UTRN: variants seen among roughly 807,000 people sequenced by gnomAD.
UTRN encodes the protein utrophin, also known as dystrophin-related protein 1.
In UTRN, 283 loss-of-function variants were observed where a neutral mutation model predicts 463.9. The observed-to-expected ratio is 0.61, with a 90% CI of 0.55 to 0.67. The LOEUF (loss-of-function observed/expected upper bound fraction) is 0.67, where lower values mean the gene tolerates loss of function less well. UTRN is among the 30% of genes least tolerant of loss of function. The pLI is 0.00. For missense variants in UTRN, 3,922 were observed against 4,084.3 expected, an observed-to-expected ratio of 0.96 and a Z score of 1.08; for synonymous variants, 1,442 against 1,431.5, an observed-to-expected ratio of 1.01 and a Z score of -0.17.
At chr6:144,636,121 C>A (rs1050109953) in intron 51 of UTRN, among the ~76,000 whole-genome samples, 1 of 152,012 alleles carries the variant, frequency 6.6e-6, no homozygotes, top group African/African-American at 2.4e-5. Context: ...TCTATTCCAT[C>A]GAAGTGTAAG....
At chr6:144,746,954 T>A (rs1790813558) in intron 54 of UTRN, among the ~76,000 whole-genome samples, 1 of 152,224 alleles carries the variant, frequency 6.6e-6, no homozygotes, top group African/African-American at 2.4e-5. Context: ...TATCAATGTC[T>A]AGAATTTTTT....
intron 53 of UTRN, among the ~76,000 whole-genome samples, chr6:144,725,237 A>G (rs991789462): frequency 6.6e-6 from 1 of 152,222 alleles, no homozygotes; most frequent in African/African-American, 2.4e-5. Context: ...GCCTCCCGCC[A>G]TGTAAGACGT....
intron 41 of UTRN, among the ~76,000 whole-genome samples, chr6:144,529,856 C>T (rs1272753908): frequency 2.6e-5 from 4 of 152,036 alleles, no homozygotes; most frequent in Non-Finnish European, 5.9e-5. Context: ...AGCTCCATTA[C>T]TCTTAAACAA....
intron 58 of UTRN, 65 bp from the exon 59 acceptor site, chr6:144,771,841 GT>G: frequency 6.8e-6 from 9 of 1,325,058 alleles, no homozygotes; most frequent in African/African-American, 1.5e-5. Context: ...TGGGTATTTC[GT>G]TTTTGGCCTA....
intron 51 of UTRN, among the ~76,000 whole-genome samples, chr6:144,590,542 A>AT (rs1194571737): frequency 6.6e-6 from 1 of 152,190 alleles, no homozygotes; most frequent in Non-Finnish European, 1.5e-5. Flanking sequence ...ATATGTATAT[A>AT]TTTTTAAAAA....
At chr6:144,489,024 A>ATCGTTTATTTTATTTTATTT (rs1326441068) in intron 30 of UTRN, among the ~76,000 whole-genome samples, 190 bp downstream of exon 30, 10 of 121,666 alleles carry the variant, frequency 8.2e-5, no homozygotes, top group African/African-American at 3.9e-4. Context: ...AAAGTCTTAT[A>ATCGTTTATTTTATTTTATTT]TAGTTTATTT....
chr6:144,843,464 A>C (rs1307346114), intron 73 of UTRN, among the ~76,000 whole-genome samples: 1 of 152,240 alleles, frequency 6.6e-6, no homozygotes, highest in Non-Finnish European at 1.5e-5. Flanking sequence ...AAAAATAAAT[A>C]ATCATAATTT....
At chr6:144,720,887 C>G (rs1269661606) in intron 53 of UTRN, among the ~76,000 whole-genome samples, 1 of 152,154 alleles carries the variant, frequency 6.6e-6, no homozygotes, top group Non-Finnish European at 1.5e-5. Context: ...ATTGTTCTCT[C>G]TTCCCCTTTA....
intron 34 of UTRN, among the ~76,000 whole-genome samples, chr6:144,501,392 G>C (rs892967207): frequency 8.6e-5 from 13 of 152,038 alleles, no homozygotes; most frequent in African/African-American, 2.9e-4. Context: ...AATTTGCCTA[G>C]TGTAATACAA....
chr6:144,495,440 G>T (rs1333214019), intron 33 of UTRN, among the ~76,000 whole-genome samples: 2 of 152,244 alleles, frequency 1.3e-5, no homozygotes, highest in African/African-American at 2.4e-5. Context: ...CTGCTGCTCC[G>T]AGTGCGGGGC....
intron 50 of UTRN, among the ~76,000 whole-genome samples, chr6:144,564,380 G>T (rs9399480): frequency 6.6e-6 from 1 of 152,096 alleles, no homozygotes; most frequent in South Asian, 2.1e-4. Flanking sequence ...AGGCAGGAAA[G>T]AGCACAGCAT....
In UTRN at chr6:144,499,451, A is replaced by G. The variant is rs777153332; in HGVS notation, c.4764+24A>G. On this transcript the variant is annotated intron_variant, in intron 34 of 74. Transcript: ENST00000367545. Reference sequence around the variant, plus strand: ...AAGTAAGTTGCAGTTCAGATGAAACACCAGCATGATGCCAGCGTAACATGG... The same window carrying G: ...AAGTAAGTTGCAGTTCAGATGAAACGCCAGCATGATGCCAGCGTAACATGG... 4.4e-6 allele frequency: 7 copies of G among 1,575,496 alleles called. No homozygotes were observed. In the African/African-American group the frequency reaches 6.7e-5, roughly 15 times the overall value.
At position 144,429,899 on chromosome 6, in the gene UTRN, T is replaced by C. The variant is rs184937966; in HGVS notation, c.855+158T>C. 2.0e-5 allele frequency among the ~76,000 whole-genome samples: 3 copies of C among 152,322 alleles called. No individual in the cohort carries two copies. In the East Asian group the frequency reaches 5.8e-4, roughly 29 times the overall value. ...AAGTTCAGCTTAGCAGTTAGCATTC[T>C]GTCACATGTGTGTAATAGAACACCA... On this transcript the variant is annotated intron_variant, in intron 9 of 74. Transcript: ENST00000367545.
chr6:144,685,191 G>C (rs1782623029), intron 52 of UTRN, among the ~76,000 whole-genome samples: 1 of 152,056 alleles, frequency 6.6e-6, no homozygotes, highest in Non-Finnish European at 1.5e-5. Context: ...CATTCAAGTT[G>C]CTGAAAAAGA....
intron 51 of UTRN, among the ~76,000 whole-genome samples, chr6:144,634,982 A>G (rs1391196188): frequency 6.6e-6 from 1 of 152,068 alleles, no homozygotes; most frequent in Non-Finnish European, 1.5e-5. Context: ...ATGAACATTT[A>G]TGTGCAAGTT....
At position 144,458,629 on chromosome 6, in the gene UTRN, T is replaced by A. The variant is rs868575310; in HGVS notation, c.2285-141T>A. The A allele has an allele frequency of 1.6e-5, 14 of 868,690 alleles. 1 individual carries two copies. The South Asian group carries it at 1.7e-4, about 11-fold the overall frequency. 53.8% of individuals were successfully genotyped at this position (868,690 alleles called of 1,614,324 possible). ...TTAAGTGCATCATTATAAATTTTTG[T>A]TGTTGTATTAAAAGGGACTTAAGAA... On this transcript the variant is annotated intron_variant, in intron 19 of 74. Coordinates refer to ENST00000367545, the MANE Select transcript of UTRN (RefSeq NM_007124.3).
At chr6:144,517,121 A>C (rs1421165644) in intron 39 of UTRN, among the ~76,000 whole-genome samples, 173 bp downstream of exon 39, 1 of 151,772 alleles carries the variant, frequency 6.6e-6, no homozygotes, top group Admixed American at 6.6e-5. Flanking sequence ...GCAGAACTCA[A>C]AATGGAAATG....
intron 2 of UTRN, among the ~76,000 whole-genome samples, chr6:144,354,804 T>C (rs1007199105): frequency 3.3e-5 from 5 of 152,232 alleles, no homozygotes; most frequent in Admixed American, 2.0e-4. Flanking sequence ...GATTCTAAGA[T>C]GTCTTCATCT....
intron 51 of UTRN, among the ~76,000 whole-genome samples, chr6:144,613,657 G>A (rs1193974254): frequency 6.6e-6 from 1 of 151,974 alleles, no homozygotes; most frequent in African/African-American, 2.4e-5. Context: ...ACTTTCTAGA[G>A]TGTTAAAAAT....
Sources: allele counts gnomAD v4.1 joint callset (sites outside exome capture counted in the v4.1 genomes callset), GRCh38; gene constraint gnomAD v4.1.1; transcripts MANE v1.5; gene names NCBI Gene and HGNC (gene_info 2026-07-23, HGNC 2026-07-21).